The following BCCIP variants were observed in gnomAD, a reference collection of about 807,000 sequenced individuals.
The protein encoded by BCCIP is BRCA2 and CDKN1A interacting protein.
BCCIP carries 23 observed loss-of-function variants against 32.8 expected under a neutral mutation model. The ratio of observed to expected loss-of-function variants is 0.70; its 90% CI spans 0.51 to 0.99. The LOEUF is 0.99. BCCIP is among the 50% of genes least tolerant of loss of function. The probability of loss-of-function intolerance (pLI) is 0.00; values close to 1 mark genes in which losing one functional copy is unlikely to be tolerated. For missense variants in BCCIP, 378 were observed against 379.8 expected (o/e 1.00, Z 0.04); for synonymous variants, 144 against 137.6 (o/e 1.05, Z -0.33).
At chr10:125,852,504 A>G (rs776899102) in intron 7 of BCCIP, 4 of 1,613,268 alleles carry the variant, frequency 2.5e-6, no homozygotes, top group Non-Finnish European at 3.4e-6. Context: ...CCTGCATACA[A>G]GAATTGACAA....
In BCCIP at chr10:125,853,069, A is replaced by G. The variant is rs202217164; in HGVS notation, c.851-56A>G. The G allele has an allele frequency of 9.4e-5, 122 of 1,297,076 alleles. 1 individual carries two copies. In the South Asian group the frequency reaches 1.4e-3, roughly 14 times the overall value. The allele number at this position is 1,297,076 out of a possible 1,614,324, so 80.3% of individuals were successfully genotyped here. ...TTTACAACACATACTGAGAGTTCCA[A>G]TCATAACAGCTAATACAGAAACTGC... On this transcript the variant is annotated intron_variant, in intron 7 of 7. Transcript: ENST00000368759.
intron 3 of BCCIP, among the ~76,000 whole-genome samples, chr10:125,828,753 A>T (rs2134008621): frequency 6.6e-6 from 1 of 152,280 alleles, no homozygotes; most frequent in African/African-American, 2.4e-5. Context: ...TGGCTAATGG[A>T]TCTACAGTTT....
chr10:125,833,036 C>T (rs562283051), intron 5 of BCCIP, among the ~76,000 whole-genome samples: 2 of 151,308 alleles, frequency 1.3e-5, no homozygotes, highest in South Asian at 2.1e-4. Flanking sequence ...GCACGAAAAT[C>T]GTGTGAACCT....
At chr10:125,847,442 G>A (rs772428721), downstream of BCCIP, among the ~76,000 whole-genome samples, 28 of 152,090 alleles carry the variant, frequency 1.8e-4, no homozygotes, top group Non-Finnish European at 3.5e-4. Context: ...GAGTGCCACT[G>A]GAACTTCCAA....
chr10:125,842,227 A>C, exon 7 of BCCIP: 2 of 342,922 alleles, frequency 5.8e-6, no homozygotes, highest in Non-Finnish European at 5.3e-6. Flanking sequence ...TAGGAAAACA[A>C]TGCCAGGGAT....
chr10:125,831,459 C>G lies in BCCIP; in HGVS notation c.451C>G (p.Arg151Gly). 1 of 1,614,102 alleles carries G rather than the reference C, an allele frequency of 6.2e-7. No individual in the cohort carries two copies. The highest frequency in any genetic ancestry group is 8.5e-7 in the Non-Finnish European group (1 of 1,179,980). Reference sequence around the variant, plus strand: ...TGAACAAATTCAAGAGTTGGTTCTACGCTTCTGTGAGAAGAACTGTGAAAA... The same window carrying G: ...TGAACAAATTCAAGAGTTGGTTCTAGGCTTCTGTGAGAAGAACTGTGAAAA... ...CVEQIQELVL[R>G]FCEKNCEKSM... The change falls in exon 5 of 7, where the codon CGC becomes GGC. Residue 151 changes from arginine (R) to glycine (G), a missense_variant. Coordinates refer to ENST00000278100, the MANE Select transcript of BCCIP (RefSeq NM_078468.3).
intron 7 of BCCIP, chr10:125,853,034 T>C (rs41305020): frequency 0.061 from 54,785 of 895,318 alleles, 2,155 homozygotes; most frequent in Middle Eastern, 0.12. Context: ...AGGATCTTGG[T>C]GGTCTCACCT....
intron 3 of BCCIP, among the ~76,000 whole-genome samples, 191 bp from the exon 4 acceptor site, chr10:125,830,371 T>A (rs537808332): frequency 6.6e-6 from 1 of 152,206 alleles, no homozygotes; most frequent in African/African-American, 2.4e-5. Context: ...TAAGATACAA[T>A]GCTTTCCAAG....
At chr10:125,843,264 C>G (rs1034830530), downstream of BCCIP, among the ~76,000 whole-genome samples, 7 of 151,988 alleles carry the variant, frequency 4.6e-5, no homozygotes, top group Non-Finnish European at 1.0e-4. Context: ...CCTGGGAGTT[C>G]AAAGTAACAT....
intron 7 of BCCIP, among the ~76,000 whole-genome samples, chr10:125,851,090 A>G (rs1944083740): frequency 6.6e-6 from 1 of 152,256 alleles, no homozygotes; most frequent in Non-Finnish European, 1.5e-5. Context: ...AACAGCCTGT[A>G]GCCTAGTTAT....
chr10:125,831,327 G>T (rs1426017738), intron 4 of BCCIP, 93 bp from the exon 5 acceptor site: 1 of 1,280,294 alleles, frequency 7.8e-7, no homozygotes, highest in Non-Finnish European at 1.1e-6. Flanking sequence ...ACTGCCCTTA[G>T]CTGTAAGATG....
chr10:125,833,977 T>C (rs1854588855), intron 6 of BCCIP, 31 bp downstream of exon 6: 2 of 1,596,842 alleles, frequency 1.3e-6, no homozygotes, highest in Admixed American at 3.4e-5. Flanking sequence ...TGTTTAGATG[T>C]AAATAAGGAT....
chr10:125,835,024 T>C (rs1854627347), intron 6 of BCCIP, among the ~76,000 whole-genome samples: 2 of 151,260 alleles, frequency 1.3e-5, no homozygotes. Flanking sequence ...TCCCAGCTAC[T>C]CGGGAGGCTG....
chr10:125,831,109 T>TTA (rs1325814418), intron 4 of BCCIP, among the ~76,000 whole-genome samples: 1 of 152,244 alleles, frequency 6.6e-6, no homozygotes, highest in East Asian at 1.9e-4. Context: ...CAGGCTACAC[T>TTA]TAGTCTTTAA....
intron 6 of BCCIP, among the ~76,000 whole-genome samples, chr10:125,835,064 C>T (rs567142400): frequency 1.5e-3 from 232 of 151,366 alleles, no homozygotes; most frequent in African/African-American, 5.1e-3. Flanking sequence ...ACCCGGGAGG[C>T]GGAGCTTGCA....
rs1381661516 is a variant in BCCIP at position 125,834,574 on chromosome 10, G to GGGCAGATCACCTGAGGCC, written c.774+629_774+646dup. ...TCCCAGCACCTTGGGAAGCTGAGGC[G>GGGCAGATCACCTGAGGCC]GGCAGATCACCTGAGGCCAGAAATT... is the stretch of plus-strand genomic sequence containing the variant. On this transcript the variant is annotated intron_variant, in intron 6 of 6. Coordinates refer to ENST00000278100, the MANE Select transcript of BCCIP (RefSeq NM_078468.3). Among the ~76,000 whole-genome samples the GGGCAGATCACCTGAGGCC allele has an allele frequency of 9.2e-5, 14 of 151,892 alleles. No homozygotes were observed. The South Asian group carries it at 1.2e-3, about 14-fold the overall frequency.
At chr10:125,849,853 T>A (rs1216193100) in intron 7 of BCCIP, among the ~76,000 whole-genome samples, 1 of 152,236 alleles carries the variant, frequency 6.6e-6, no homozygotes, top group Non-Finnish European at 1.5e-5. Flanking sequence ...TCTAGTATTC[T>A]TACAAACTGG....
chr10:125,842,927 T>C (rs1235293466), downstream of BCCIP: 3 of 365,398 alleles, frequency 8.2e-6, no homozygotes, highest in Non-Finnish European at 1.1e-5. Flanking sequence ...ATATATTCTC[T>C]TTGTGGAATA....
exon 8 of BCCIP, chr10:125,853,273 T>C: frequency 3.7e-6 from 5 of 1,362,650 alleles, no homozygotes; most frequent in Non-Finnish European, 5.1e-6. Context: ...AGGCTCATAG[T>C]CTCCTGGAGG....
Sources: allele counts gnomAD v4.1 joint callset (sites outside exome capture counted in the v4.1 genomes callset), GRCh38; gene constraint gnomAD v4.1.1; transcripts MANE v1.5; gene names NCBI Gene and HGNC (gene_info 2026-07-23, HGNC 2026-07-21).